Variants in ARHGEF4 observed in about 807,000 individuals in gnomAD.
ARHGEF4 encodes the protein Rho guanine nucleotide exchange factor 4.
In ARHGEF4, 119 loss-of-function variants were observed where a neutral mutation model predicts 162.0. That is an observed-to-expected ratio of 0.73 (90% CI 0.63 to 0.86). ARHGEF4 has a LOEUF of 0.86. Ranked by LOEUF, ARHGEF4 falls within the 40% of genes least tolerant of loss-of-function variation. The probability of loss-of-function intolerance (pLI) is 0.00; values close to 1 mark genes in which losing one functional copy is unlikely to be tolerated. For synonymous variants in ARHGEF4, 1,014 were observed against 979.9 expected, an observed-to-expected ratio of 1.03 and a Z score of -0.65; for missense variants, 2,488 against 2,456.0, an observed-to-expected ratio of 1.01 and a Z score of -0.28.
Position 131,046,104 on chromosome 2 carries a change from A to T in ARHGEF4, c.5546A>T (p.Gln1849Leu). The T allele has an allele frequency of 5.0e-6, 8 of 1,613,000 alleles. No individual in the cohort carries two copies. The highest frequency in any genetic ancestry group is 6.8e-6 in the Non-Finnish European group (8 of 1,179,898). Residue 1849 changes from glutamine to leucine, a missense_variant, in exon 14 of 14, where the codon CAG (glutamine) becomes CTG (leucine). By Grantham distance (113) the Gln-to-Leu change is moderately radical. Coordinates refer to ENST00000409359, the MANE Select transcript of ARHGEF4 (RefSeq NM_001367493.1). Reference protein sequence around the residue: ...HPALPSNRPQQQVLVLAEPRR... With the variant: ...HPALPSNRPQLQVLVLAEPRR... ...GCCCTGCCCAGCAACCGGCCCCAGC[A>T]GCAGGTCCTGGTGCTGGCGGAGCCC...
chr2:131,008,542 T>C (rs1178578675), intron 4 of ARHGEF4, among the ~76,000 whole-genome samples: 1 of 152,226 alleles, frequency 6.6e-6, no homozygotes, highest in African/African-American at 2.4e-5. Context: ...ATTATTGATA[T>C]AGTTGGGCTT....
At chr2:130,985,083 G>T (rs191532343) in intron 4 of ARHGEF4, among the ~76,000 whole-genome samples, 22 of 152,266 alleles carry the variant, frequency 1.4e-4, no homozygotes, top group Non-Finnish European at 2.9e-4. Flanking sequence ...CCCAAACTGA[G>T]AGGAGCAGAT....
chr2:130,911,916 C>T (rs1480609888), intron 1 of ARHGEF4, among the ~76,000 whole-genome samples: 1 of 152,322 alleles, frequency 6.6e-6, no homozygotes, highest in African/African-American at 2.4e-5. Context: ...TTGGGATTCT[C>T]TGTGTCTGCT....
chr2:131,034,893 C>A, intron 5 of ARHGEF4: 1 of 826,258 alleles, frequency 1.2e-6, no homozygotes, highest in Non-Finnish European at 1.5e-6. Context: ...GCCGCCGCCC[C>A]CGCCCGCACA....
At chr2:130,851,509 C>T (rs1199137586) in intron 1 of ARHGEF4, among the ~76,000 whole-genome samples, 2 of 152,208 alleles carry the variant, frequency 1.3e-5, no homozygotes, top group Non-Finnish European at 2.9e-5. Context: ...CCGAGGCCTG[C>T]CCTTCGCCCA....
intron 1 of ARHGEF4, among the ~76,000 whole-genome samples, chr2:130,912,710 C>T (rs1032070813): frequency 3.3e-5 from 5 of 152,040 alleles, no homozygotes; most frequent in East Asian, 1.9e-4. Context: ...GTTTGAGCAT[C>T]GACTGCTGTG....
At chr2:130,976,947 GTA>G (rs1206851400) in intron 4 of ARHGEF4, among the ~76,000 whole-genome samples, 1 of 151,772 alleles carries the variant, frequency 6.6e-6, no homozygotes, top group Non-Finnish European at 1.5e-5. Flanking sequence ...TGTGTGTGAT[GTA>G]TGTGTGGTGT....
intron 1 of ARHGEF4, among the ~76,000 whole-genome samples, chr2:130,872,203 C>T (rs1386278769): frequency 6.6e-6 from 1 of 152,184 alleles, no homozygotes; most frequent in Non-Finnish European, 1.5e-5. Flanking sequence ...TTAGCTCTTC[C>T]TCTGCTTGTT....
chr2:130,874,105 C>T (rs566894546), intron 1 of ARHGEF4, among the ~76,000 whole-genome samples: 13 of 152,166 alleles, frequency 8.5e-5, no homozygotes, highest in African/African-American at 2.9e-4. Context: ...CTCCTTTTTA[C>T]GAGCAGCTTA....
chr2:130,914,513 A>C lies in ARHGEF4; in HGVS notation c.567A>C (p.Thr189=). 7.0e-7 allele frequency: 1 copy of C among 1,429,282 alleles called. No homozygotes were observed. Among genetic ancestry groups the C allele is most frequent in the East Asian group, 2.5e-5 (1 of 39,876 alleles). 88.5% of individuals were successfully genotyped at this position (1,429,282 alleles called of 1,614,324 possible). A position where few individuals can be genotyped will look rare whatever the true frequency, so the allele number is the denominator to read the frequency against. The part of the protein sequence containing the change: ...RHTGCCLQRA[T]DSSGPEPVQG... ...CAGGGTGCTGCTTACAGAGGGCCACAGACAGCAGTGGTCCTGAGCCAGTAC... is the reference window on the plus strand; with the variant it reads ...CAGGGTGCTGCTTACAGAGGGCCACCGACAGCAGTGGTCCTGAGCCAGTAC... The change falls in exon 2 of 14, where the codon ACA becomes ACC. Residue 189 remains threonine (T), a synonymous_variant. Transcript: ENST00000409359.
chr2:130,993,075 C>G (rs1166350278), intron 4 of ARHGEF4, among the ~76,000 whole-genome samples: 1 of 152,194 alleles, frequency 6.6e-6, no homozygotes, highest in East Asian at 1.9e-4. Flanking sequence ...CAGAGCAAGA[C>G]TGTTCAAAAA....
At chr2:130,852,348 G>A (rs943241903) in intron 1 of ARHGEF4, among the ~76,000 whole-genome samples, 3 of 152,214 alleles carry the variant, frequency 2.0e-5, no homozygotes, top group East Asian at 1.9e-4. Context: ...TTGGGGAGCC[G>A]AGAGGATGGA....
chr2:130,913,869 G>T lies in ARHGEF4; in HGVS notation c.40-117G>T, dbSNP rs1224871825. On this transcript the variant is annotated intron_variant, in intron 1 of 13. Transcript: ENST00000409359. ...TTACCTCCCTTCCTAGGGGTACATG[G>T]GGAACTAATGAGCCATTTCTGAGCC... The T allele has an allele frequency of 1.3e-5, 16 of 1,248,270 alleles. No individual in the cohort carries two copies. The South Asian group carries it at 2.4e-4, about 18-fold the overall frequency. The allele number at this position is 1,248,270 out of a possible 1,614,324, so 77.3% of individuals were successfully genotyped here.
intron 5 of ARHGEF4, among the ~76,000 whole-genome samples, chr2:131,030,153 G>A (rs1399677833): frequency 6.6e-6 from 1 of 152,208 alleles, no homozygotes; most frequent in Non-Finnish European, 1.5e-5. Context: ...TTATGGCTGC[G>A]TTGATCTTGT....
Position 130,946,493 on chromosome 2 carries a change from T to C in ARHGEF4, c.3859-16T>C. 7 of 1,602,098 alleles carry C rather than the reference T, an allele frequency of 4.4e-6. No homozygotes were observed. The highest frequency in any genetic ancestry group is 6.0e-6 in the Non-Finnish European group (7 of 1,173,110). On this transcript the variant is annotated splice_polypyrimidine_tract_variant and intron_variant, in intron 3 of 13. Coordinates refer to ENST00000409359, the MANE Select transcript of ARHGEF4 (RefSeq NM_001367493.1). ...CTTTTCTTCATTTGCCCTCTGTCTC[T>C]TTCCTCCTCTTCCAGTGCTGGAGAA...
chr2:130,916,607 G>C lies in ARHGEF4; in HGVS notation c.2661G>C (p.Gly887=). The change falls in exon 2 of 14, where the codon GGG becomes GGC. Residue 887 remains glycine (G), a synonymous_variant. Coordinates refer to ENST00000409359, the MANE Select transcript of ARHGEF4 (RefSeq NM_001367493.1). ...TGTSGDLGSR[G]PSSESCNAKR... ...CCTCAGGGGATCTTGGTAGCCGAGG[G>C]CCTTCCTCTGAGAGCTGCAACGCAA... is the stretch of plus-strand genomic sequence containing the variant. 1 of 1,550,570 alleles carries C rather than the reference G, an allele frequency of 6.4e-7. No individual in the cohort carries two copies. The highest frequency in any genetic ancestry group is 2.4e-5 in the East Asian group (1 of 40,908).
At chr2:130,848,909 G>C (rs953727147) in intron 1 of ARHGEF4, among the ~76,000 whole-genome samples, 2 of 152,160 alleles carry the variant, frequency 1.3e-5, no homozygotes, top group African/African-American at 4.8e-5. Flanking sequence ...GAGGGTGGTG[G>C]GCAGAATGGG....
chr2:130,919,882 A>G (rs1162958263), intron 2 of ARHGEF4, among the ~76,000 whole-genome samples: 3 of 152,202 alleles, frequency 2.0e-5, no homozygotes, highest in African/African-American at 7.2e-5. Flanking sequence ...TCTCAAAAAA[A>G]AAAAAAGTGA....
chr2:130,927,090 C>T (rs6430431), intron 2 of ARHGEF4, among the ~76,000 whole-genome samples: 35,453 of 151,576 alleles, frequency 0.23, 4,887 homozygotes, highest in African/African-American at 0.38. Context: ...TCATGTTGAT[C>T]TTAGCCATTA....
Sources: allele counts gnomAD v4.1 joint callset (sites outside exome capture counted in the v4.1 genomes callset), GRCh38; gene constraint gnomAD v4.1.1; transcripts MANE v1.5; gene names NCBI Gene and HGNC (gene_info 2026-07-23, HGNC 2026-07-21).